MACROD2: variants seen among roughly 807,000 people sequenced by gnomAD.
MACROD2 encodes the protein ADP-ribose glycohydrolase MACROD2.
MACROD2 carries 36 observed loss-of-function variants against 70.4 expected under a neutral mutation model. The ratio of observed to expected loss-of-function variants is 0.51; its 90% CI spans 0.39 to 0.68. MACROD2 has a LOEUF of 0.68. Ranked by LOEUF, MACROD2 falls within the 30% of genes least tolerant of loss-of-function variation. MACROD2 has a pLI of 0.00. For missense variants in MACROD2, 496 were observed against 538.4 expected, an observed-to-expected ratio of 0.92 and a Z score of 0.78; for synonymous variants, 172 against 178.8, an observed-to-expected ratio of 0.96 and a Z score of 0.30.
chr20:14,586,794 G>T lies in MACROD2; in HGVS notation c.301+93286G>T, dbSNP rs80259142. On this transcript the variant is annotated intron_variant, in intron 4 of 17. Transcript: ENST00000684519. Reference sequence around the variant, plus strand: ...CACATATATTGAGGTTTATTTTAGAGGCTTTTGTTCTGTGTCACTGTCCTG... The same window carrying T: ...CACATATATTGAGGTTTATTTTAGATGCTTTTGTTCTGTGTCACTGTCCTG... Among the ~76,000 whole-genome samples, 531 of 152,024 alleles carry T rather than the reference G, an allele frequency of 3.5e-3. 4 individuals carry two copies. Among genetic ancestry groups the T allele is most frequent in the Middle Eastern group, 0.017 (5 of 294 alleles).
intron 4 of MACROD2, among the ~76,000 whole-genome samples, chr20:14,574,585 C>G: frequency 6.6e-6 from 1 of 151,852 alleles, no homozygotes; most frequent in Non-Finnish European, 1.5e-5. Flanking sequence ...ATGATGTACA[C>G]AAAACTGTTT....
intron 3 of MACROD2, among the ~76,000 whole-genome samples, chr20:14,277,691 T>C (rs2082271391): frequency 6.6e-6 from 1 of 152,018 alleles, no homozygotes; most frequent in African/African-American, 2.4e-5. Flanking sequence ...CCAGGCATTG[T>C]ACTCTTAAAA....
At chr20:15,090,013 A>G (rs2075781196) in intron 5 of MACROD2, among the ~76,000 whole-genome samples, 1 of 152,138 alleles carries the variant, frequency 6.6e-6, no homozygotes, top group African/African-American at 2.4e-5. Context: ...ATCAGCTTTC[A>G]GAGGAGTAGT....
In MACROD2 at chr20:14,367,368, G is replaced by A. The variant is rs192920202; in HGVS notation, c.272-126111G>A. Among the ~76,000 whole-genome samples, 65 of 152,200 alleles carry A rather than the reference G, an allele frequency of 4.3e-4. 2 individuals carry two copies. The highest frequency in any genetic ancestry group is 3.3e-3 in the East Asian group (17 of 5,182). On this transcript the variant is annotated intron_variant, in intron 3 of 17. Coordinates refer to ENST00000684519, the MANE Select transcript of MACROD2 (RefSeq NM_001351661.2). ...ATCATGCAGTTACTTTTACTAGAGC[G>A]CTGCATTTCTTCACGTGATTTCAGG...
chr20:15,700,274 C>T (rs2050437900), intron 8 of MACROD2, among the ~76,000 whole-genome samples: 1 of 152,166 alleles, frequency 6.6e-6, no homozygotes, highest in Admixed American at 6.5e-5. Context: ...TGACATGATC[C>T]CAGGAGCTCT....
chr20:15,457,571 A>C (rs1209817763), intron 7 of MACROD2, among the ~76,000 whole-genome samples: 1 of 152,178 alleles, frequency 6.6e-6, no homozygotes, highest in Non-Finnish European at 1.5e-5. Context: ...GCTTTACTCC[A>C]GTACCGTCCA....
chr20:14,020,676 A>G (rs954258801), intron 2 of MACROD2, among the ~76,000 whole-genome samples: 15 of 152,112 alleles, frequency 9.9e-5, no homozygotes, highest in African/African-American at 1.9e-4. Flanking sequence ...TTGATTGAGT[A>G]CTTGTTGAAG....
intron 8 of MACROD2, among the ~76,000 whole-genome samples, chr20:15,784,945 G>A (rs190000538): frequency 1.4e-3 from 206 of 151,504 alleles, no homozygotes; most frequent in African/African-American, 3.3e-3. Context: ...TCAGGAGATC[G>A]AGACCATCCT....
At chr20:14,880,434 G>T (rs1292955954) in intron 5 of MACROD2, among the ~76,000 whole-genome samples, 3 of 152,118 alleles carry the variant, frequency 2.0e-5, no homozygotes, top group Non-Finnish European at 4.4e-5. Flanking sequence ...CACTGATTTG[G>T]ATATAAAATC....
chr20:14,951,089 G>A (rs1568893292), intron 5 of MACROD2, among the ~76,000 whole-genome samples: 2 of 152,096 alleles, frequency 1.3e-5, no homozygotes, highest in Non-Finnish European at 2.9e-5. Flanking sequence ...AGTCAGTTGG[G>A]AATGAGTCTT....
chr20:15,328,134 A>G (rs2077952334), intron 6 of MACROD2, among the ~76,000 whole-genome samples: 1 of 152,058 alleles, frequency 6.6e-6, no homozygotes, highest in Non-Finnish European at 1.5e-5. Flanking sequence ...GTGGTTGGTT[A>G]GGACAGGCCT....
chr20:14,111,633 G>T (rs2148685607), intron 3 of MACROD2, among the ~76,000 whole-genome samples: 1 of 152,100 alleles, frequency 6.6e-6, no homozygotes, highest in East Asian at 1.9e-4. Context: ...GATCATCAGA[G>T]AAATACACAT....
chr20:15,165,890 C>A (rs1283910265), intron 5 of MACROD2, among the ~76,000 whole-genome samples: 1 of 152,074 alleles, frequency 6.6e-6, no homozygotes, highest in Non-Finnish European at 1.5e-5. Flanking sequence ...GTCCAAATGT[C>A]TATCAATCAA....
At chr20:14,669,549 C>T (rs1238428341) in intron 4 of MACROD2, among the ~76,000 whole-genome samples, 1 of 152,086 alleles carries the variant, frequency 6.6e-6, no homozygotes, top group Admixed American at 6.6e-5. Context: ...TTCTATAACA[C>T]GATTGAAGTT....
intron 3 of MACROD2, among the ~76,000 whole-genome samples, chr20:14,107,074 G>A (rs2054379108): frequency 1.3e-5 from 2 of 152,148 alleles, no homozygotes; most frequent in Admixed American, 6.5e-5. Flanking sequence ...GACCAATCCT[G>A]GAGAAACAGA....
At chr20:15,721,093 A>G (rs2146934414) in intron 8 of MACROD2, among the ~76,000 whole-genome samples, 1 of 152,262 alleles carries the variant, frequency 6.6e-6, no homozygotes, top group Admixed American at 6.5e-5. Flanking sequence ...ATGTTAAGTA[A>G]GTCTCATAAC....
At chr20:14,836,153 C>T (rs1012800316) in intron 5 of MACROD2, among the ~76,000 whole-genome samples, 6 of 151,756 alleles carry the variant, frequency 4.0e-5, no homozygotes, top group Non-Finnish European at 7.4e-5. Context: ...GTGAGGGGTC[C>T]GTACTCAAAA....
intron 5 of MACROD2, among the ~76,000 whole-genome samples, chr20:14,748,107 CT>C (rs1188143496): frequency 1.3e-5 from 2 of 152,022 alleles, no homozygotes; most frequent in African/African-American, 4.8e-5. Context: ...CTTGATGAGC[CT>C]TTCCTTCTCC....
intron 3 of MACROD2, among the ~76,000 whole-genome samples, chr20:14,160,965 G>C (rs1215736965): frequency 2.0e-5 from 3 of 152,010 alleles, no homozygotes; most frequent in Non-Finnish European, 4.4e-5. Context: ...TACCCAATAG[G>C]TAATTTTTAA....
Sources: gnomAD v4.1 joint callset for allele counts (sites outside exome capture counted in the v4.1 genomes callset) on GRCh38, gnomAD v4.1.1 for gene constraint, MANE v1.5 for transcripts, NCBI Gene and HGNC (gene_info 2026-07-23, HGNC 2026-07-21) for gene names.